The following CACNA1B variants were observed in gnomAD, a reference collection of about 807,000 sequenced individuals.
CACNA1B encodes voltage-dependent N-type calcium channel subunit alpha-1B.
Under a neutral mutation model 247.2 loss-of-function variants are expected in CACNA1B, and 70 were observed. The observed-to-expected ratio is 0.28, with a 90% CI of 0.23 to 0.35. CACNA1B has a LOEUF of 0.35. Among genes scored for constraint, CACNA1B ranks in the 10% least tolerant of loss-of-function variants. The probability of loss-of-function intolerance (pLI) is 1.00; values close to 1 mark genes in which losing one functional copy is unlikely to be tolerated. For synonymous variants in CACNA1B, 1,231 were observed against 1,294.4 expected (o/e 0.95, Z 1.05); for missense variants, 2,367 against 3,197.4 (o/e 0.74, Z 6.26).
At position 138,102,878 on chromosome 9, in the gene CACNA1B, C is replaced by T; in HGVS notation, c.5319+71C>T. 1 of 905,808 alleles carries T rather than the reference C, an allele frequency of 1.1e-6. No homozygotes were observed. The allele number at this position is 905,808 out of a possible 1,614,324, so 56.1% of individuals were successfully genotyped here. On this transcript the variant is annotated intron_variant, in intron 38 of 46. Coordinates refer to ENST00000371372, the MANE Select transcript of CACNA1B (RefSeq NM_000718.4). The surrounding 1 kb of genome is among the most constrained non-coding windows in gnomAD (Gnocchi z 5.4). Reference sequence around the variant, plus strand: ...TTGCTGAGGGGTGCTTGCTGGCTCTCCCAGCTCCTCTCCCTTTCAGGGTGC... The same window carrying T: ...TTGCTGAGGGGTGCTTGCTGGCTCTTCCAGCTCCTCTCCCTTTCAGGGTGC...
At position 138,037,086 on chromosome 9, in the gene CACNA1B, A is replaced by G. The variant is rs199708976; in HGVS notation, c.3287-6688A>G. On this transcript the variant is annotated intron_variant, in intron 20 of 46. Coordinates refer to ENST00000371372, the MANE Select transcript of CACNA1B (RefSeq NM_000718.4). ...GAGTTTTCCTCTGCTTATTCATGCCATTTATTTGTTGGGGAGAACATATGG... is the reference window on the plus strand; with the variant it reads ...GAGTTTTCCTCTGCTTATTCATGCCGTTTATTTGTTGGGGAGAACATATGG... 3.1e-4 allele frequency among the ~76,000 whole-genome samples: 47 copies of G among 152,204 alleles called. 1 individual carries two copies. In the East Asian group the frequency reaches 8.3e-3, roughly 27 times the overall value.
At chr9:138,062,619 C>A (rs534602084) in intron 31 of CACNA1B, among the ~76,000 whole-genome samples, 1 of 152,282 alleles carries the variant, frequency 6.6e-6, no homozygotes, top group East Asian at 1.9e-4. Context: ...AGTAGGTTGG[C>A]CCCTCTCATT....
intron 6 of CACNA1B, among the ~76,000 whole-genome samples, chr9:137,932,582 GC>G (rs1162515801): frequency 3.3e-5 from 5 of 152,200 alleles, no homozygotes; most frequent in Non-Finnish European, 7.3e-5. Context: ...ATCTTGAGTT[GC>G]CCCAGCAGTT....
At chr9:138,078,332 C>T (rs1960400190) in intron 36 of CACNA1B, 74 bp downstream of exon 36, 1 of 1,412,214 alleles carries the variant, frequency 7.1e-7, no homozygotes. Context: ...CCCACATCTC[C>T]TGCTGATCCC....
intron 32 of CACNA1B, among the ~76,000 whole-genome samples, chr9:138,070,677 C>T (rs1425612032): frequency 6.6e-6 from 1 of 152,228 alleles, no homozygotes; most frequent in African/African-American, 2.4e-5. Flanking sequence ...GCTGCAGAAA[C>T]ACCCAGGCAA....
rs1959768542 is a variant in CACNA1B, at chr9:138,062,659, GC to G, written c.4668+2923del. Reference sequence around the variant, plus strand: ...TTCCGTTCTGTAGATGGCATGGCCTGCTCCCAAATGCTGGGTGTCTGCACTG... The same window carrying G: ...TTCCGTTCTGTAGATGGCATGGCCTGTCCCAAATGCTGGGTGTCTGCACTG... On this transcript the variant is annotated intron_variant, in intron 31 of 46. Transcript: ENST00000371372. 2.0e-5 allele frequency among the ~76,000 whole-genome samples: 3 copies of G among 152,194 alleles called. No homozygotes were observed. In the South Asian group the frequency reaches 6.2e-4, roughly 32 times the overall value.
chr9:137,960,058 G>C (rs1365427937), intron 10 of CACNA1B, among the ~76,000 whole-genome samples: 1 of 150,650 alleles, frequency 6.6e-6, no homozygotes, highest in African/African-American at 2.4e-5. Context: ...ACGCCGGGGC[G>C]GGGGAGAGGG....
intron 21 of CACNA1B, among the ~76,000 whole-genome samples, chr9:138,045,215 G>T (rs972871235): frequency 2.0e-5 from 3 of 152,220 alleles, no homozygotes; most frequent in African/African-American, 7.2e-5. Context: ...AGGGTAGGCA[G>T]AGCTGGCTGG....
chr9:138,059,284 G>A lies in CACNA1B; in HGVS notation c.4584+95G>A, dbSNP rs1959629894. 2 of 722,444 alleles carry A rather than the reference G, an allele frequency of 2.8e-6. No individual in the cohort carries two copies. The highest frequency in any genetic ancestry group is 5.0e-6 in the Non-Finnish European group (2 of 399,380). The allele number at this position is 722,444 out of a possible 1,614,324, so 44.8% of individuals were successfully genotyped here. A position where few individuals can be genotyped will look rare whatever the true frequency, so the allele number is the denominator to read the frequency against. On this transcript the variant is annotated intron_variant, in intron 30 of 46. Coordinates refer to ENST00000371372, the MANE Select transcript of CACNA1B (RefSeq NM_000718.4). This position sits in a 1 kb window ranked among gnomAD's most constrained non-coding sequence, Gnocchi z 4.2. ...TTGGGGGCTCACAATTTGGAGCTGG[G>A]AATTCTCCGAGTACCCAGAGTATAT...
intron 20 of CACNA1B, among the ~76,000 whole-genome samples, chr9:138,039,218 A>T (rs187936677): frequency 2.1e-3 from 320 of 152,224 alleles, no homozygotes; most frequent in African/African-American, 6.5e-3. Flanking sequence ...AAATAAAAAA[A>T]AAAAGAGAAA....
Position 137,913,677 on chromosome 9 carries a change from C to T in CACNA1B, c.622+406C>T, listed in dbSNP as rs935884210. ...TCTTGGCTCAGTCTTGTCAGGGCCA[C>T]TGGGGACTGAGGCCAGCCTTAAGAC... On this transcript the variant is annotated intron_variant, in intron 4 of 46. Transcript: ENST00000371372. The surrounding 1 kb of genome is among the most constrained non-coding windows in gnomAD (Gnocchi z 5.2). Among the ~76,000 whole-genome samples, 4 of 152,204 alleles carry T rather than the reference C, an allele frequency of 2.6e-5. No homozygotes were observed. Among genetic ancestry groups the T allele is most frequent in the African/African-American group, 9.6e-5 (4 of 41,454 alleles).
Position 138,058,030 on chromosome 9 carries a change from T to G in CACNA1B, c.4107-19T>G. On this transcript the variant is annotated intron_variant, in intron 27 of 46. Coordinates refer to ENST00000371372, the MANE Select transcript of CACNA1B (RefSeq NM_000718.4). This position sits in a 1 kb window ranked among gnomAD's most constrained non-coding sequence, Gnocchi z 4.7. ...CTCCTTTGGGGGTTCCCCTGACACT[T>G]GCTCTCCTCTTTGCCCAGGGTGCTG... 6.2e-7 allele frequency: 1 copy of G among 1,608,518 alleles called. No individual in the cohort carries two copies. The highest frequency in any genetic ancestry group is 1.7e-5 in the Admixed American group (1 of 60,026).
chr9:137,906,302 G>A (rs932461996), intron 3 of CACNA1B, among the ~76,000 whole-genome samples: 5 of 152,186 alleles, frequency 3.3e-5, no homozygotes, highest in African/African-American at 1.2e-4. Context: ...TTCAGGATTT[G>A]TCAGAGAGCG....
intron 36 of CACNA1B, among the ~76,000 whole-genome samples, chr9:138,079,618 C>T (rs1960447970): frequency 6.6e-6 from 1 of 151,808 alleles, no homozygotes; most frequent in Non-Finnish European, 1.5e-5. Context: ...TGGCAGGTAC[C>T]TGTAATCCCA....
intron 15 of CACNA1B, among the ~76,000 whole-genome samples, chr9:137,996,545 A>G (rs75895970): frequency 0.097 from 14,694 of 152,266 alleles, 1,160 homozygotes; most frequent in Admixed American, 0.24. Context: ...ATAAAAAACT[A>G]CAGCGTATGC....
chr9:138,051,967 G>T lies in CACNA1B; in HGVS notation c.3711-125G>T. On this transcript the variant is annotated intron_variant, in intron 24 of 46. Transcript: ENST00000371372. The surrounding 1 kb of genome is among the most constrained non-coding windows in gnomAD (Gnocchi z 4.3). ...CAGGGCAAGGCCTCTCTGCTCCTGG[G>T]TCCTCCACCCTGGAGTCTGAGACAA... The T allele has an allele frequency of 1.6e-6, 1 of 610,504 alleles. No homozygotes were observed. Among genetic ancestry groups the T allele is most frequent in the Non-Finnish European group, 3.0e-6 (1 of 335,478 alleles). The allele number at this position is 610,504 out of a possible 1,614,324, so 37.8% of individuals were successfully genotyped here.
At chr9:138,019,770 T>C (rs1313245222) in intron 18 of CACNA1B, among the ~76,000 whole-genome samples, 1 of 152,090 alleles carries the variant, frequency 6.6e-6, no homozygotes, top group Non-Finnish European at 1.5e-5. Context: ...GCATGCTGGA[T>C]CCTGCATCCA....
In CACNA1B at chr9:138,122,126, C is replaced by A; in HGVS notation, c.*127C>A. On this transcript the variant is annotated 3_prime_UTR_variant, in exon 47 of 47. Transcript: ENST00000371372. ...CCCACCTTGGTGAGGCTCCTGTGGC[C>A]CCTCCCTCCCCCTCCTCCCCTCTTT... 1.4e-6 allele frequency: 1 copy of A among 728,638 alleles called. No homozygotes were observed. Among genetic ancestry groups the A allele is most frequent in the Non-Finnish European group, 2.2e-6 (1 of 453,038 alleles). 45.1% of individuals were successfully genotyped at this position (728,638 alleles called of 1,614,324 possible).
rs1018635496 is a variant in CACNA1B, at chr9:138,057,082, C to T, written c.3969-650C>T. On this transcript the variant is annotated intron_variant, in intron 26 of 46. Coordinates refer to ENST00000371372, the MANE Select transcript of CACNA1B (RefSeq NM_000718.4). This position sits in a 1 kb window ranked among gnomAD's most constrained non-coding sequence, Gnocchi z 4.0. Reference sequence around the variant, plus strand: ...TCCCGAGTAGCTGGGACTATAGGCGCCCGCCACCACGCCCGGCTAATTATT... The same window carrying T: ...TCCCGAGTAGCTGGGACTATAGGCGTCCGCCACCACGCCCGGCTAATTATT... Among the ~76,000 whole-genome samples the T allele has an allele frequency of 5.9e-5, 9 of 151,914 alleles. No homozygotes were observed. Among genetic ancestry groups the T allele is most frequent in the African/African-American group, 1.9e-4 (8 of 41,378 alleles).
Sources: gnomAD v4.1 joint callset for allele counts (sites outside exome capture counted in the v4.1 genomes callset) on GRCh38, gnomAD v4.1.1 for gene constraint, Gnocchi (gnomAD v3.1) non-coding constraint, MANE v1.5 for transcripts, NCBI Gene and HGNC (gene_info 2026-07-23, HGNC 2026-07-21) for gene names.